CHODL: variants seen among roughly 807,000 people sequenced by gnomAD.
CHODL encodes transmembrane protein MT75.
A neutral mutation model predicts 34.5 loss-of-function variants in CHODL; 29 were observed. That is an observed-to-expected ratio of 0.84 (90% confidence interval 0.63 to 1.15). The LOEUF is 1.15. Among genes scored for constraint, CHODL ranks in the 50% most tolerant of loss-of-function variants. CHODL has a pLI of 0.00. For synonymous variants in CHODL, 125 were observed against 116.1 expected, an observed-to-expected ratio of 1.08 and a Z score of -0.49; for missense variants, 332 against 332.5, an observed-to-expected ratio of 1.00 and a Z score of 0.01.
Position 18,178,996 on chromosome 21 carries a change from T to C in CHODL, c.-44-77513T>C, listed in dbSNP as rs371969707. On this transcript the variant is annotated intron_variant, in intron 2 of 6. Coordinates refer to the CHODL transcript ENST00000400127. The stretch of plus-strand genomic sequence containing the variant: ...AATGTCTTCTGGAAGTTTATCTTGT[T>C]TCTTGCCAGTTTTCCAAAACCCTTT... Among the ~76,000 whole-genome samples the C allele has an allele frequency of 2.0e-5, 3 of 152,300 alleles. No individual in the cohort carries two copies. In the East Asian group the frequency reaches 5.8e-4, roughly 29 times the overall value.
intron 1 of CHODL, among the ~76,000 whole-genome samples, chr21:17,954,228 G>T (rs951229595): frequency 9.9e-5 from 15 of 152,138 alleles, no homozygotes; most frequent in Non-Finnish European, 2.1e-4. Flanking sequence ...AGGCATAAAA[G>T]TCTTAAGTAT....
chr21:18,243,690 C>T (rs566002603), upstream of CHODL, among the ~76,000 whole-genome samples: 5 of 151,928 alleles, frequency 3.3e-5, no homozygotes, highest in African/African-American at 9.7e-5. Context: ...TCTACTGTCA[C>T]GAGTAGGGTG....
At chr21:18,002,734 G>C (rs1454224779) in intron 1 of CHODL, among the ~76,000 whole-genome samples, 2 of 152,112 alleles carry the variant, frequency 1.3e-5, no homozygotes, top group African/African-American at 4.8e-5. Context: ...CTGTTTACAG[G>C]GATCATGGAA....
chr21:17,999,990 G>T (rs1008786465), intron 1 of CHODL, among the ~76,000 whole-genome samples: 7 of 152,120 alleles, frequency 4.6e-5, no homozygotes, highest in African/African-American at 1.7e-4. Flanking sequence ...TAGTAAAGAA[G>T]AAATAAACAG....
chr21:18,123,941 G>C (rs1392730243), intron 2 of CHODL, among the ~76,000 whole-genome samples: 1 of 152,102 alleles, frequency 6.6e-6, no homozygotes, highest in Admixed American at 6.6e-5. Context: ...CCAGCATTTT[G>C]GGAGGCCGAG....
chr21:18,228,464 T>A (rs2073951111), intron 2 of CHODL, among the ~76,000 whole-genome samples: 1 of 152,176 alleles, frequency 6.6e-6, no homozygotes, highest in Admixed American at 6.5e-5. Context: ...GTTTCATGTC[T>A]GTGCTACGCA....
chr21:18,265,668 A>G (rs976170655), intron 5 of CHODL, among the ~76,000 whole-genome samples: 9 of 152,174 alleles, frequency 5.9e-5, no homozygotes, highest in African/African-American at 1.9e-4. Context: ...CCCATAACCT[A>G]TGGAAATAAA....
chr21:18,264,181 G>A (rs554626962), intron 5 of CHODL, among the ~76,000 whole-genome samples: 3 of 152,260 alleles, frequency 2.0e-5, no homozygotes, highest in African/African-American at 7.2e-5. Flanking sequence ...CTGGTAGATG[G>A]AGGAGGGGAT....
At chr21:18,195,166 T>G (rs1038894772) in intron 2 of CHODL, among the ~76,000 whole-genome samples, 5 of 152,052 alleles carry the variant, frequency 3.3e-5, no homozygotes, top group African/African-American at 1.2e-4. Flanking sequence ...ACCATTCTCC[T>G]GCCTCAGCCT....
chr21:17,922,087 A>T (rs968973963), intron 1 of CHODL, among the ~76,000 whole-genome samples: 1 of 152,196 alleles, frequency 6.6e-6, no homozygotes, highest in African/African-American at 2.4e-5. Flanking sequence ...AGTTGAAGTG[A>T]TAATGCTTAA....
At chr21:18,143,501 A>G (rs1428079424) in intron 2 of CHODL, among the ~76,000 whole-genome samples, 1 of 151,992 alleles carries the variant, frequency 6.6e-6, no homozygotes. Context: ...AAGTTTTTGT[A>G]TGATTATAGG....
intron 2 of CHODL, among the ~76,000 whole-genome samples, chr21:18,099,702 C>A (rs2065187854): frequency 1.3e-5 from 2 of 151,982 alleles, no homozygotes; most frequent in Non-Finnish European, 2.9e-5. Context: ...ACCTCAATAC[C>A]AATCAAATTA....
At chr21:18,259,938 C>T (rs943156052) in intron 3 of CHODL, among the ~76,000 whole-genome samples, 1 of 152,116 alleles carries the variant, frequency 6.6e-6, no homozygotes, top group Non-Finnish European at 1.5e-5. Flanking sequence ...TCAGCACAGA[C>T]CCACTGTTGA....
At chr21:18,124,527 A>G (rs904666747) in intron 2 of CHODL, among the ~76,000 whole-genome samples, 2 of 152,210 alleles carry the variant, frequency 1.3e-5, no homozygotes, top group Non-Finnish European at 2.9e-5. Context: ...AACTGTGACA[A>G]TCTATTTGAC....
chr21:18,230,638 A>G (rs2073970076), intron 2 of CHODL, among the ~76,000 whole-genome samples: 1 of 151,350 alleles, frequency 6.6e-6, no homozygotes, highest in Non-Finnish European at 1.5e-5. Context: ...AACTTAACAG[A>G]AAATTTATGT....
intron 2 of CHODL, among the ~76,000 whole-genome samples, chr21:18,112,070 A>AC (rs1187811454): frequency 6.6e-6 from 1 of 152,252 alleles, no homozygotes; most frequent in African/African-American, 2.4e-5. Flanking sequence ...TGTGAAAAAT[A>AC]TGTCAGTGCC....
chr21:18,219,136 C>A (rs757584437), intron 2 of CHODL, among the ~76,000 whole-genome samples: 8 of 152,156 alleles, frequency 5.3e-5, no homozygotes, highest in Non-Finnish European at 7.4e-5. Flanking sequence ...TTAGTCCAAT[C>A]TCATGCTACT....
chr21:18,061,334 C>T (rs1049922469), intron 2 of CHODL, among the ~76,000 whole-genome samples: 2 of 152,064 alleles, frequency 1.3e-5, no homozygotes, highest in African/African-American at 4.8e-5. Context: ...ACAGGAAATA[C>T]TAGCTGTACA....
intron 2 of CHODL, among the ~76,000 whole-genome samples, chr21:18,169,622 C>T (rs149861875): frequency 3.9e-5 from 6 of 151,986 alleles, no homozygotes; most frequent in Non-Finnish European, 8.8e-5. Flanking sequence ...CTGCTGTAAT[C>T]TTTACTTTCT....
Sources: allele counts gnomAD v4.1 joint callset (sites outside exome capture counted in the v4.1 genomes callset), GRCh38; gene constraint gnomAD v4.1.1; transcripts MANE v1.5; gene names NCBI Gene and HGNC (gene_info 2026-07-23, HGNC 2026-07-21).